ZBTB26: variants seen among roughly 807,000 people sequenced by gnomAD.
ZBTB26 encodes zinc finger and BTB domain containing 26.
In ZBTB26, 12 loss-of-function variants were observed where a neutral mutation model predicts 31.6. That is an observed-to-expected ratio of 0.38 (90% CI 0.24 to 0.61). ZBTB26 has a LOEUF of 0.61. Among genes scored for constraint, ZBTB26 ranks in the 20% least tolerant of loss-of-function variants. ZBTB26 has a pLI of 0.60. For missense variants in ZBTB26, 311 were observed against 521.9 expected (o/e 0.60, Z 3.94); for synonymous variants, 155 against 182.9 (o/e 0.85, Z 1.23).
At chr9:122,926,472 A>G (rs899547772) in intron 1 of ZBTB26, among the ~76,000 whole-genome samples, 6 of 148,790 alleles carry the variant, frequency 4.0e-5, no homozygotes, top group Non-Finnish European at 7.4e-5. Flanking sequence ...GTGCCACTGC[A>G]CTCCAGCCTG....
At position 122,918,181 on chromosome 9, in the gene ZBTB26, A is replaced by T. The variant is rs1258710652; in HGVS notation, c.*428T>A. On this transcript the variant is annotated 3_prime_UTR_variant, in exon 2 of 2. Transcript: ENST00000373656. ...CTATCACATTTTCAGGTCAATAGCAATATCACCTTATATCTCAGCCTATTT... is the reference window on the plus strand; with the variant it reads ...CTATCACATTTTCAGGTCAATAGCATTATCACCTTATATCTCAGCCTATTT... The T allele has an allele frequency of 1.9e-5, 3 of 159,022 alleles. No homozygotes were observed. Among genetic ancestry groups the T allele is most frequent in the Non-Finnish European group, 4.1e-5 (3 of 72,574 alleles). 9.9% of individuals were successfully genotyped at this position (159,022 alleles called of 1,614,324 possible).
intron 1 of ZBTB26, among the ~76,000 whole-genome samples, chr9:122,926,634 G>A (rs1833186194): frequency 1.3e-5 from 2 of 151,460 alleles, no homozygotes; most frequent in Non-Finnish European, 2.9e-5. Flanking sequence ...TTTTTGTTAT[G>A]CTTCAAAAAA....
chr9:122,920,035 T>C, intron 1 of ZBTB26, 91 bp from the exon 2 acceptor site: 5 of 1,388,442 alleles, frequency 3.6e-6, no homozygotes, highest in Non-Finnish European at 4.8e-6. Context: ...ATCTGTGTTG[T>C]CATATCTGTT....
rs746207006 is a variant in ZBTB26, at chr9:122,916,885, A to G, written c.*1724T>C. The stretch of plus-strand genomic sequence containing the variant: ...AGATCCCCTCTGACTATGCAAGCCT[A>G]ATTTTTCAAATCTGCATGCACTCTC... On this transcript the variant is annotated 3_prime_UTR_variant, in exon 2 of 2. Transcript: ENST00000373656. 3.9e-5 allele frequency: 6 copies of G among 152,210 alleles called. No homozygotes were observed. Among genetic ancestry groups the G allele is most frequent in the Non-Finnish European group, 7.3e-5 (5 of 68,034 alleles). 9.4% of individuals were successfully genotyped at this position (152,210 alleles called of 1,614,324 possible).
chr9:122,918,511 A>G lies in ZBTB26; in HGVS notation c.*98T>C. 2 of 1,509,232 alleles carry G rather than the reference A, an allele frequency of 1.3e-6. No homozygotes were observed. Among genetic ancestry groups the G allele is most frequent in the Non-Finnish European group, 1.8e-6 (2 of 1,134,008 alleles). The allele number at this position is 1,509,232 out of a possible 1,614,324, so 93.5% of individuals were successfully genotyped here. ...GACTCACTCCCTACCACCTACACAG[A>G]GGCTTTGGAGAAGTCAAACTAGCAA... On this transcript the variant is annotated 3_prime_UTR_variant, in exon 2 of 2. Coordinates refer to ENST00000373656, the MANE Select transcript of ZBTB26 (RefSeq NM_020924.4).
intron 1 of ZBTB26, among the ~76,000 whole-genome samples, chr9:122,924,666 AC>A (rs1833151693): frequency 7.1e-6 from 1 of 140,324 alleles, no homozygotes; most frequent in African/African-American, 2.7e-5. Flanking sequence ...GTCATCTGTC[AC>A]CCAGGCTAGA....
intron 1 of ZBTB26, among the ~76,000 whole-genome samples, chr9:122,923,080 A>C (rs1343774483): frequency 2.7e-5 from 4 of 150,518 alleles, no homozygotes; most frequent in African/African-American, 7.3e-5. Context: ...GCTACTCGGG[A>C]GGCTGAGGCA....
In ZBTB26 at chr9:122,918,543, T is replaced by C; in HGVS notation, c.*66A>G. The C allele has an allele frequency of 1.3e-6, 2 of 1,544,382 alleles. No individual in the cohort carries two copies. The highest frequency in any genetic ancestry group is 4.5e-5 in the East Asian group (2 of 44,478). Reference sequence around the variant, plus strand: ...GGAGAAGTCAAACTAGCAAAATCACTCCTAAAAAGACTAAGACTATTGCCA... The same window carrying C: ...GGAGAAGTCAAACTAGCAAAATCACCCCTAAAAAGACTAAGACTATTGCCA... On this transcript the variant is annotated 3_prime_UTR_variant, in exon 2 of 2. Transcript: ENST00000373656.
chr9:122,918,449 A>G lies in ZBTB26; in HGVS notation c.*160T>C. The G allele has an allele frequency of 1.9e-6, 2 of 1,073,962 alleles. No individual in the cohort carries two copies. Among genetic ancestry groups the G allele is most frequent in the Non-Finnish European group, 1.3e-6 (1 of 764,896 alleles). 66.5% of individuals were successfully genotyped at this position (1,073,962 alleles called of 1,614,324 possible). A position where few individuals can be genotyped will look rare whatever the true frequency, so the allele number is the denominator to read the frequency against. On this transcript the variant is annotated 3_prime_UTR_variant, in exon 2 of 2. Transcript: ENST00000373656. ...GAGAGGGCAAAAGTAAGGCAAATCC[A>G]CTCCAAGTGGTAAGTTGCCTGGTCT...
At chr9:122,924,965 T>G (rs1373589614) in intron 1 of ZBTB26, among the ~76,000 whole-genome samples, 1 of 152,140 alleles carries the variant, frequency 6.6e-6, no homozygotes, top group Non-Finnish European at 1.5e-5. Context: ...TTAAAAAAAA[T>G]TTTTTTTGAT....
rs202128661 is a variant in ZBTB26 at position 122,918,795 on chromosome 9, G to A, written c.1140C>T (p.Asn380=). ...RKHLKQLHGK[N]SFDNANERNV... is the part of the protein sequence containing the mutation. Reference sequence around the variant, plus strand: ...TTCTCTCATTGGCATTATCAAAGCTGTTTTTGCCATGCAGCTGTTTAAGGT... The same window carrying A: ...TTCTCTCATTGGCATTATCAAAGCTATTTTTGCCATGCAGCTGTTTAAGGT... Residue 380 remains asparagine (N), a synonymous_variant, in exon 2 of 2, where the codon AAC becomes AAT. Transcript: ENST00000373656. 34 of 1,614,016 alleles carry A rather than the reference G, an allele frequency of 2.1e-5. No homozygotes were observed. Among genetic ancestry groups the A allele is most frequent in the Non-Finnish European group, 2.4e-5 (28 of 1,180,018 alleles).
intron 1 of ZBTB26, among the ~76,000 whole-genome samples, chr9:122,924,977 GT>G (rs1329928504): frequency 6.6e-6 from 1 of 151,864 alleles, no homozygotes; most frequent in Admixed American, 6.6e-5. Flanking sequence ...TTTTTTGATA[GT>G]TAAAAAAAGT....
chr9:122,920,725 A>C (rs1833083630), intron 1 of ZBTB26, among the ~76,000 whole-genome samples: 1 of 152,250 alleles, frequency 6.6e-6, no homozygotes, highest in African/African-American at 2.4e-5. Context: ...AAAGAAAATA[A>C]GATACTTGAT....
At chr9:122,922,722 T>C (rs1297156825) in intron 1 of ZBTB26, among the ~76,000 whole-genome samples, 1 of 152,134 alleles carries the variant, frequency 6.6e-6, no homozygotes, top group Non-Finnish European at 1.5e-5. Flanking sequence ...TGCAGAAGCA[T>C]TGCAGGTCTG....
intron 1 of ZBTB26, among the ~76,000 whole-genome samples, chr9:122,921,568 C>T (rs1833099961): frequency 6.6e-6 from 1 of 152,186 alleles, no homozygotes; most frequent in African/African-American, 2.4e-5. Flanking sequence ...ATTCTTATTC[C>T]TTAATGCCTG....
intron 1 of ZBTB26, among the ~76,000 whole-genome samples, chr9:122,921,061 T>C (rs1216864010): frequency 6.6e-6 from 1 of 152,194 alleles, no homozygotes; most frequent in Non-Finnish European, 1.5e-5. Flanking sequence ...CCAATCATAA[T>C]TAAGGTAAAC....
At chr9:122,927,555 T>A (rs766536820) in intron 1 of ZBTB26, among the ~76,000 whole-genome samples, 1 of 152,202 alleles carries the variant, frequency 6.6e-6, no homozygotes, top group Non-Finnish European at 1.5e-5. Context: ...CTCATTGACA[T>A]GGTATGTTCT....
chr9:122,927,799 G>A (rs1225771289), intron 1 of ZBTB26, among the ~76,000 whole-genome samples: 2 of 151,968 alleles, frequency 1.3e-5, no homozygotes, highest in Non-Finnish European at 2.9e-5. Context: ...GATCCTTCCT[G>A]ACTCTCCCTC....
At position 122,919,997 on chromosome 9, in the gene ZBTB26, G is replaced by A. The variant is rs555164956; in HGVS notation, c.-10-53C>T. ...AATTTAAGGAAACTCAGACAATTAAGAAAGCTGGATCTACCTTCCAAAAAC... is the reference window on the plus strand; with the variant it reads ...AATTTAAGGAAACTCAGACAATTAAAAAAGCTGGATCTACCTTCCAAAAAC... On this transcript the variant is annotated intron_variant, in intron 1 of 1. Coordinates refer to ENST00000373656, the MANE Select transcript of ZBTB26 (RefSeq NM_020924.4). The surrounding 1 kb of genome is among the most constrained non-coding windows in gnomAD (Gnocchi z 6.1). The A allele has an allele frequency of 7.9e-5, 119 of 1,514,494 alleles. 1 individual carries two copies. The Middle Eastern group carries it at 1.2e-3, about 16-fold the overall frequency. 93.8% of individuals were successfully genotyped at this position (1,514,494 alleles called of 1,614,324 possible). A position where few individuals can be genotyped will look rare whatever the true frequency, so the allele number is the denominator to read the frequency against.
Sources: gnomAD v4.1 joint callset for allele counts (sites outside exome capture counted in the v4.1 genomes callset) on GRCh38, gnomAD v4.1.1 for gene constraint, Gnocchi (gnomAD v3.1) non-coding constraint, MANE v1.5 for transcripts, NCBI Gene and HGNC (gene_info 2026-07-23, HGNC 2026-07-21) for gene names.